Variants in AKAP6 observed in about 807,000 individuals in gnomAD.
The protein encoded by AKAP6 is A-kinase anchoring protein 6.
In AKAP6, 58 loss-of-function variants were observed where a neutral mutation model predicts 188.5. The observed-to-expected ratio is 0.31, with a 90% CI of 0.25 to 0.38. The LOEUF (loss-of-function observed/expected upper bound fraction) is 0.38. Ranked by LOEUF, AKAP6 falls within the 10% of genes least tolerant of loss-of-function variation. The pLI, the probability that AKAP6 is intolerant of heterozygous loss-of-function variation, is 1.00. For synonymous variants in AKAP6, 989 were observed against 998.6 expected (o/e 0.99, Z 0.18); for missense variants, 2,710 against 2,740.0 (o/e 0.99, Z 0.24).
intron 9 of AKAP6, among the ~76,000 whole-genome samples, chr14:32,696,935 T>G (rs867044391): frequency 2.0e-4 from 31 of 152,310 alleles, no homozygotes; most frequent in African/African-American, 7.2e-4. Context: ...TTCTGACAGT[T>G]GTCATCCTTG....
intron 8 of AKAP6, among the ~76,000 whole-genome samples, chr14:32,692,048 C>A (rs1448668021): frequency 6.6e-6 from 1 of 152,080 alleles, no homozygotes; most frequent in African/African-American, 2.4e-5. Context: ...TCATTGGGTA[C>A]CAATGAAACA....
At chr14:32,493,270 G>C (rs898332091) in intron 2 of AKAP6, among the ~76,000 whole-genome samples, 1 of 152,006 alleles carries the variant, frequency 6.6e-6, no homozygotes, top group Non-Finnish European at 1.5e-5. Flanking sequence ...ATACTGGTGC[G>C]ATCACGGTGC....
At chr14:32,519,011 A>G (rs1048228532) in intron 2 of AKAP6, among the ~76,000 whole-genome samples, 1 of 152,238 alleles carries the variant, frequency 6.6e-6, no homozygotes, top group Non-Finnish European at 1.5e-5. Flanking sequence ...CAGAAACTCT[A>G]CAAGCCAGAA....
At chr14:32,650,442 A>T (rs138547499) in intron 7 of AKAP6, among the ~76,000 whole-genome samples, 11 of 152,036 alleles carry the variant, frequency 7.2e-5, no homozygotes, top group African/African-American at 2.6e-4. Flanking sequence ...GTGAAACTCC[A>T]TTTCTACTAA....
chr14:32,796,427 A>G (rs1307000895), intron 12 of AKAP6, among the ~76,000 whole-genome samples: 1 of 152,206 alleles, frequency 6.6e-6, no homozygotes, highest in Non-Finnish European at 1.5e-5. Flanking sequence ...CTGGTACAAG[A>G]ACAGACACGT....
At chr14:32,447,344 T>C (rs763453620) in intron 2 of AKAP6, among the ~76,000 whole-genome samples, 17 of 152,256 alleles carry the variant, frequency 1.1e-4, no homozygotes, top group Non-Finnish European at 2.4e-4. Flanking sequence ...TTTGGTCAAC[T>C]AATTGACTGA....
At chr14:32,794,072 C>G (rs933836871) in intron 12 of AKAP6, among the ~76,000 whole-genome samples, 1 of 152,212 alleles carries the variant, frequency 6.6e-6, no homozygotes, top group Non-Finnish European at 1.5e-5. Flanking sequence ...CTGCATGGCA[C>G]TTACTCTAAA....
intron 1 of AKAP6, among the ~76,000 whole-genome samples, chr14:32,357,933 A>G (rs1054580769): frequency 2.0e-5 from 3 of 152,166 alleles, no homozygotes. Flanking sequence ...GCTACCAGTT[A>G]TTTATTGTTC....
intron 9 of AKAP6, among the ~76,000 whole-genome samples, chr14:32,725,058 G>A (rs1477069144): frequency 8.0e-6 from 1 of 125,146 alleles, no homozygotes; most frequent in Non-Finnish European, 1.6e-5. Flanking sequence ...ATATTGTTCA[G>A]TGTGGGTTTT....
chr14:32,823,256 G>T lies in AKAP6; in HGVS notation c.5443G>T (p.Asp1815Tyr). The change falls in exon 13 of 14, where the codon GAT becomes TAT. Residue 1815 changes from aspartate to tyrosine, a missense_variant. Asp to Tyr is a radical substitution (Grantham distance 160, BLOSUM62 -3). Around this residue, in one of 2 missense-constraint regions of AKAP6, gnomAD observed 2,473 missense variants for 2,426.1 expected, o/e 1.02. Transcript: ENST00000280979. The stretch of plus-strand genomic sequence containing the variant: ...TAGGCCAAAATTGTCTTTGACAAGA[G>T]ATAAGAAAAGGTGCAATGTCAGTGA... ...WIRPKLSLTR[D>Y]KKRCNVSDEM... 6.2e-7 allele frequency: 1 copy of T among 1,613,710 alleles called. No individual in the cohort carries two copies.
chr14:32,493,806 A>C (rs28569389), intron 2 of AKAP6, among the ~76,000 whole-genome samples: 29 of 152,246 alleles, frequency 1.9e-4, no homozygotes, highest in African/African-American at 6.0e-4. Context: ...TGCTGTTCTA[A>C]ACCAGCTCTG....
intron 12 of AKAP6, among the ~76,000 whole-genome samples, chr14:32,775,553 C>T (rs922950393): frequency 2.4e-4 from 37 of 152,064 alleles, no homozygotes; most frequent in African/African-American, 8.7e-4. Flanking sequence ...CCACCTCAAC[C>T]TCTCAAGTAG....
chr14:32,338,440 G>A (rs1007030182), intron 1 of AKAP6, among the ~76,000 whole-genome samples: 3 of 152,100 alleles, frequency 2.0e-5, no homozygotes, highest in Non-Finnish European at 4.4e-5. Context: ...GCATCAAATA[G>A]GGGGTTTCCA....
At chr14:32,610,464 A>C (rs987832740) in intron 7 of AKAP6, among the ~76,000 whole-genome samples, 1 of 152,190 alleles carries the variant, frequency 6.6e-6, no homozygotes, top group Non-Finnish European at 1.5e-5. Flanking sequence ...TAACTACAAC[A>C]TGATGATGTA....
chr14:32,446,931 A>G (rs189040873), intron 2 of AKAP6, among the ~76,000 whole-genome samples: 10 of 152,208 alleles, frequency 6.6e-5, no homozygotes, highest in Admixed American at 2.0e-4. Flanking sequence ...GTGGTCTTTT[A>G]TTGATTTTTT....
intron 5 of AKAP6, among the ~76,000 whole-genome samples, chr14:32,582,791 G>A (rs1885040460): frequency 6.6e-6 from 1 of 152,108 alleles, no homozygotes; most frequent in Non-Finnish European, 1.5e-5. Flanking sequence ...CAGCTCCTGA[G>A]GCTTCTGCAT....
At chr14:32,464,600 A>G (rs1878288490) in intron 2 of AKAP6, among the ~76,000 whole-genome samples, 1 of 152,232 alleles carries the variant, frequency 6.6e-6, no homozygotes, top group Admixed American at 6.5e-5. Flanking sequence ...ATATCTCAAA[A>G]TAATAAGAGC....
intron 1 of AKAP6, among the ~76,000 whole-genome samples, chr14:32,412,491 C>T (rs111657592): frequency 6.6e-6 from 1 of 152,182 alleles, no homozygotes; most frequent in East Asian, 1.9e-4. Flanking sequence ...ATACTTACTA[C>T]TCTCCCCTTT....
intron 11 of AKAP6, among the ~76,000 whole-genome samples, chr14:32,759,783 A>G (rs772243332): frequency 1.7e-4 from 26 of 152,122 alleles, no homozygotes; most frequent in Non-Finnish European, 3.5e-4. Flanking sequence ...ATATCTTGCA[A>G]TAATTCACTG....
Sources: gnomAD v4.1 joint callset for allele counts (sites outside exome capture counted in the v4.1 genomes callset) on GRCh38, gnomAD v4.1.1 for gene constraint, gnomAD v4.1.1 regional missense constraint, MANE v1.5 for transcripts, NCBI Gene and HGNC (gene_info 2026-07-23, HGNC 2026-07-21) for gene names.